NLRP8: variants seen among roughly 807,000 people sequenced by gnomAD.
The protein encoded by NLRP8 is NACHT, LRR and PYD domains-containing protein 8.
In NLRP8, 86 loss-of-function variants were observed where a neutral mutation model predicts 88.7. That is an observed-to-expected ratio of 0.97 (90% CI 0.81 to 1.16). The LOEUF (loss-of-function observed/expected upper bound fraction) is 1.16. NLRP8 is among the 50% of genes most tolerant of loss of function. The pLI, the probability that NLRP8 is intolerant of heterozygous loss-of-function variation, is 0.00. For missense variants in NLRP8, 1,342 were observed against 1,286.5 expected (o/e 1.04, Z -0.66); for synonymous variants, 504 against 494.6 (o/e 1.02, Z -0.25).
At chr19:55,977,308 T>C (rs998755021) in intron 8 of NLRP8, among the ~76,000 whole-genome samples, 1 of 145,656 alleles carries the variant, frequency 6.9e-6, no homozygotes, top group Non-Finnish European at 1.5e-5. Context: ...TATAAATATT[T>C]ATATGTAGAT....
chr19:55,978,497 G>T (rs1980442230), intron 8 of NLRP8, among the ~76,000 whole-genome samples: 1 of 152,074 alleles, frequency 6.6e-6, no homozygotes, highest in Non-Finnish European at 1.5e-5. Context: ...ATTCTCTGCA[G>T]GGTCACTAGT....
chr19:55,987,847 C>T lies in NLRP8; in HGVS notation c.3081C>T (p.Phe1027=). 6.2e-7 allele frequency: 1 copy of T among 1,614,066 alleles called. No individual in the cohort carries two copies. Among genetic ancestry groups the T allele is most frequent in the Non-Finnish European group, 8.5e-7 (1 of 1,179,978 alleles). The change falls in exon 10 of 10, where the codon TTC becomes TTT. Residue 1027 remains phenylalanine (F), a synonymous_variant. Coordinates refer to ENST00000291971, the MANE Select transcript of NLRP8 (RefSeq NM_176811.2). ...CTGCCTGGACTCGAATAACTAGCTTCTCCCCAACTCCTCACCCACCCGACT... is the reference window on the plus strand; with the variant it reads ...CTGCCTGGACTCGAATAACTAGCTTTTCCCCAACTCCTCACCCACCCGACT...
intron 1 of NLRP8, among the ~76,000 whole-genome samples, chr19:55,948,682 C>T (rs1188392735): frequency 1.3e-5 from 2 of 152,184 alleles, no homozygotes; most frequent in African/African-American, 4.8e-5. Context: ...AGGTAATCCG[C>T]CTGCCTTGGC....
Position 55,973,813 on chromosome 19 carries a change from A to G in NLRP8, c.2696A>G (p.Gln899Arg). Residue 899 changes from glutamine (Q) to arginine (R), a missense_variant, in exon 7 of 10, where the codon CAG becomes CGG. Physicochemically the swap from Gln to Arg is conservative, Grantham distance 43 (BLOSUM62 1). Transcript: ENST00000291971. Reference sequence around the variant, plus strand: ...CTGCCACACCTGAGATGTCCTCTGCAGAGGCTGGTGTAAGTCCCAGAATGT... The same window carrying G: ...CTGCCACACCTGAGATGTCCTCTGCGGAGGCTGGTGTAAGTCCCAGAATGT... 1 of 1,612,196 alleles carries G rather than the reference A, an allele frequency of 6.2e-7. No individual in the cohort carries two copies. Among genetic ancestry groups the G allele is most frequent in the South Asian group, 1.1e-5 (1 of 90,702 alleles).
At chr19:55,953,418 C>A (rs1168695232) in intron 2 of NLRP8, among the ~76,000 whole-genome samples, 1 of 152,160 alleles carries the variant, frequency 6.6e-6, no homozygotes, top group East Asian at 1.9e-4. Context: ...CATCCCCCGC[C>A]ACCTGGTCCA....
At chr19:55,980,314 C>T (rs1980518769) in intron 9 of NLRP8, among the ~76,000 whole-genome samples, 1 of 152,168 alleles carries the variant, frequency 6.6e-6, no homozygotes, top group African/African-American at 2.4e-5. Context: ...AACACATGTT[C>T]TCAACCAGTG....
intron 8 of NLRP8, among the ~76,000 whole-genome samples, chr19:55,978,075 T>A (rs1980421887): frequency 6.6e-6 from 1 of 152,186 alleles, no homozygotes; most frequent in Admixed American, 6.6e-5. Context: ...TTATTATTAT[T>A]TTTTTCAGAT....
intron 5 of NLRP8, among the ~76,000 whole-genome samples, chr19:55,970,194 A>C (rs1980011280): frequency 6.6e-6 from 1 of 152,242 alleles, no homozygotes; most frequent in African/African-American, 2.4e-5. Context: ...GATGCCTTCT[A>C]TAATATACAC....
chr19:55,951,746 G>A (rs1979104034), intron 1 of NLRP8, among the ~76,000 whole-genome samples: 1 of 152,052 alleles, frequency 6.6e-6, no homozygotes, highest in African/African-American at 2.4e-5. Flanking sequence ...TTGTTATCCT[G>A]TATTGGGTTT....
intron 8 of NLRP8, among the ~76,000 whole-genome samples, chr19:55,978,881 A>C (rs1374377577): frequency 6.6e-6 from 1 of 152,160 alleles, no homozygotes; most frequent in Non-Finnish European, 1.5e-5. Context: ...TCAGGGTCAC[A>C]CCACTGCACT....
chr19:55,975,669 G>C (rs1980276991), intron 7 of NLRP8, among the ~76,000 whole-genome samples: 1 of 152,086 alleles, frequency 6.6e-6, no homozygotes. Context: ...GATAAAAGAA[G>C]CTAAACGCAA....
intron 3 of NLRP8, among the ~76,000 whole-genome samples, chr19:55,957,702 TATATATATATATATATATATATAA>T (rs1568460986): frequency 0.11 from 4,918 of 46,046 alleles, 243 homozygotes; most frequent in East Asian, 0.21. Flanking sequence ...TATATATATA[TATATATATATATATATATATATAA>T]AATAAGGTTG....
intron 7 of NLRP8, among the ~76,000 whole-genome samples, chr19:55,974,761 AG>A (rs1305640073): frequency 2.0e-5 from 3 of 151,092 alleles, no homozygotes; most frequent in African/African-American, 4.9e-5. Flanking sequence ...GAAAGAAAAA[AG>A]GCCCATTGTT....
intron 8 of NLRP8, among the ~76,000 whole-genome samples, chr19:55,977,247 GAT>G (rs1980387953): frequency 7.0e-6 from 1 of 143,232 alleles, no homozygotes; most frequent in Non-Finnish European, 1.5e-5. Context: ...AGATACATAA[GAT>G]ATCTGCATAT....
chr19:55,964,688 G>T (rs1470884735), intron 4 of NLRP8, among the ~76,000 whole-genome samples: 1 of 150,994 alleles, frequency 6.6e-6, no homozygotes, highest in Non-Finnish European at 1.5e-5. Context: ...GGAAGCGGAG[G>T]TTGCAGTGAG....
At chr19:55,958,756 A>C (rs948038414) in intron 3 of NLRP8, among the ~76,000 whole-genome samples, 11 of 152,050 alleles carry the variant, frequency 7.2e-5, no homozygotes, top group Admixed American at 1.3e-4. Flanking sequence ...TCACTTTGTT[A>C]CCCAGCCTGG....
intron 5 of NLRP8, 35 bp downstream of exon 5, chr19:55,966,415 G>T (rs1273064916): frequency 1.2e-6 from 2 of 1,603,068 alleles, no homozygotes; most frequent in Non-Finnish European, 1.7e-6. Flanking sequence ...GTGGGAACCG[G>T]GGTACCCGGA....
chr19:55,970,756 T>C, intron 6 of NLRP8, 60 bp downstream of exon 6: 1 of 1,600,828 alleles, frequency 6.2e-7, no homozygotes, highest in Non-Finnish European at 8.5e-7. Flanking sequence ...GTTTGGTAGA[T>C]TTAGTGCTTC....
intron 5 of NLRP8, among the ~76,000 whole-genome samples, chr19:55,967,339 C>T (rs1049894400): frequency 1.3e-5 from 2 of 152,304 alleles, no homozygotes; most frequent in South Asian, 4.1e-4. Flanking sequence ...CCCTGCTCTC[C>T]ACCCTCCCAC....
Sources: gnomAD v4.1 joint callset for allele counts (sites outside exome capture counted in the v4.1 genomes callset) on GRCh38, gnomAD v4.1.1 for gene constraint, MANE v1.5 for transcripts, NCBI Gene and HGNC (gene_info 2026-07-23, HGNC 2026-07-21) for gene names.